Variants in CTDP1 observed in about 807,000 individuals in gnomAD.
CTDP1 encodes CTD phosphatase 1.
Under a neutral mutation model 91.8 loss-of-function variants are expected in CTDP1, and 47 were observed. That is an observed-to-expected ratio of 0.51 (90% CI 0.41 to 0.65). CTDP1 has a LOEUF of 0.65. Among genes scored for constraint, CTDP1 ranks in the 30% least tolerant of loss-of-function variants. The pLI, the probability that CTDP1 is intolerant of heterozygous loss-of-function variation, is 0.00. For missense variants in CTDP1, 1,272 were observed against 1,373.7 expected, an observed-to-expected ratio of 0.93 and a Z score of 1.17; for synonymous variants, 656 against 598.5, an observed-to-expected ratio of 1.10 and a Z score of -1.40.
intron 3 of CTDP1, among the ~76,000 whole-genome samples, 183 bp downstream of exon 3, chr18:79,696,253 G>A (rs745873372): frequency 6.6e-6 from 1 of 152,190 alleles, no homozygotes; most frequent in South Asian, 2.1e-4. Flanking sequence ...GGTTGCCCTT[G>A]GTTCTCCACA....
intron 12 of CTDP1, among the ~76,000 whole-genome samples, chr18:79,753,086 G>C (rs2087031656): frequency 6.7e-6 from 1 of 148,418 alleles, no homozygotes; most frequent in South Asian, 2.2e-4. Context: ...GGCACCGGCT[G>C]GTTATGCAGA....
chr18:79,741,303 T>C (rs1282229903), intron 12 of CTDP1, among the ~76,000 whole-genome samples: 1 of 152,248 alleles, frequency 6.6e-6, no homozygotes, highest in East Asian at 1.9e-4. Flanking sequence ...TATCCTTTTA[T>C]GCTTTTGGTG....
At chr18:79,723,366 T>A (rs2086383731) in intron 10 of CTDP1, among the ~76,000 whole-genome samples, 1 of 152,124 alleles carries the variant, frequency 6.6e-6, no homozygotes, top group South Asian at 2.1e-4. Flanking sequence ...CTCCTGAGAG[T>A]GGTGGTTCCT....
chr18:79,730,341 C>T (rs2086540312), intron 11 of CTDP1, among the ~76,000 whole-genome samples: 1 of 152,216 alleles, frequency 6.6e-6, no homozygotes, highest in Non-Finnish European at 1.5e-5. Flanking sequence ...GGGACGCTGC[C>T]TCTTCCTGCC....
chr18:79,684,025 T>C (rs1313583687), intron 1 of CTDP1, among the ~76,000 whole-genome samples: 1 of 152,232 alleles, frequency 6.6e-6, no homozygotes, highest in Non-Finnish European at 1.5e-5. Flanking sequence ...AACATAGCAT[T>C]AAATCTGCTG....
chr18:79,684,749 T>G (rs2085450050), intron 1 of CTDP1, among the ~76,000 whole-genome samples: 1 of 152,226 alleles, frequency 6.6e-6, no homozygotes, highest in Non-Finnish European at 1.5e-5. Flanking sequence ...TGCATTTGGG[T>G]GAAGTTACAA....
chr18:79,734,199 G>A (rs139070303), intron 11 of CTDP1, among the ~76,000 whole-genome samples: 53 of 152,328 alleles, frequency 3.5e-4, no homozygotes, highest in African/African-American at 1.2e-3. Flanking sequence ...CGTGGAAGGC[G>A]GCTGGGCCGG....
rs971327285 is a variant in CTDP1, at chr18:79,713,909, G to T, written c.1031-582G>T. On this transcript the variant is annotated intron_variant, in intron 7 of 12. Coordinates refer to ENST00000613122, the MANE Select transcript of CTDP1 (RefSeq NM_004715.5). The surrounding 1 kb of genome is among the most constrained non-coding windows in gnomAD (Gnocchi z 4.7). The stretch of plus-strand genomic sequence containing the variant: ...TTACGGCCACGGTGGCGCCAGGTCT[G>T]CAGGGGCTTACGGCCACGGTGGCGC... Among the ~76,000 whole-genome samples, 4 of 147,722 alleles carry T rather than the reference G, an allele frequency of 2.7e-5. No homozygotes were observed. Among genetic ancestry groups the T allele is most frequent in the Non-Finnish European group, 3.0e-5 (2 of 65,792 alleles).
chr18:79,734,840 A>T (rs921214778), intron 11 of CTDP1, among the ~76,000 whole-genome samples: 1 of 152,246 alleles, frequency 6.6e-6, no homozygotes, highest in Non-Finnish European at 1.5e-5. Flanking sequence ...AACCTTGTCG[A>T]GTAACCAGAT....
chr18:79,694,152 G>T (rs1322039161), intron 1 of CTDP1, among the ~76,000 whole-genome samples: 5 of 151,264 alleles, frequency 3.3e-5, no homozygotes, highest in African/African-American at 1.2e-4. Flanking sequence ...GCTGGGACGG[G>T]AGTGTGGGGG....
intron 1 of CTDP1, among the ~76,000 whole-genome samples, chr18:79,681,918 T>G (rs1189643284): frequency 1.3e-5 from 2 of 152,124 alleles, no homozygotes; most frequent in Non-Finnish European, 2.9e-5. Context: ...TACATGGGTT[T>G]TATGAGCGTT....
rs1401343678 is a variant in CTDP1 at position 79,707,103 on chromosome 18, T to C, written c.772+2186T>C. Among the ~76,000 whole-genome samples the C allele has an allele frequency of 2.0e-5, 3 of 152,252 alleles. No homozygotes were observed. In the East Asian group the frequency reaches 5.8e-4, roughly 29 times the overall value. On this transcript the variant is annotated intron_variant, in intron 5 of 12. Transcript: ENST00000613122. The stretch of plus-strand genomic sequence containing the variant: ...GCTGGTCAGAGCACACAAGCCCCAG[T>C]GAGGAGGAGCATGTGGAAGGCTCGG...
chr18:79,737,032 T>C (rs2086684195), intron 12 of CTDP1, among the ~76,000 whole-genome samples: 1 of 152,206 alleles, frequency 6.6e-6, no homozygotes, highest in Non-Finnish European at 1.5e-5. Context: ...TGGTGCCTGA[T>C]GTGGGTCCCC....
At chr18:79,733,741 G>C (rs2086612841) in intron 11 of CTDP1, among the ~76,000 whole-genome samples, 1 of 152,120 alleles carries the variant, frequency 6.6e-6, no homozygotes, top group Middle Eastern at 3.2e-3. Context: ...CCTCTCTCTT[G>C]AAGCCGTCCC....
intron 4 of CTDP1, chr18:79,702,874 C>T (rs2085889279): frequency 1.3e-5 from 2 of 152,292 alleles, no homozygotes; most frequent in Admixed American, 6.5e-5. Context: ...GTGGCTGTTT[C>T]TCAGTTGTGT....
intron 12 of CTDP1, among the ~76,000 whole-genome samples, chr18:79,737,587 G>C (rs538195769): frequency 1.3e-5 from 2 of 152,150 alleles, no homozygotes; most frequent in Admixed American, 1.3e-4. Context: ...CAGGTTGGTC[G>C]ATGAACAGGC....
At chr18:79,749,832 G>C in intron 12 of CTDP1, 1 of 152,274 alleles carries the variant, frequency 6.6e-6, no homozygotes, top group Non-Finnish European at 1.5e-5. Flanking sequence ...GAGGATGGGA[G>C]CCGGGTTTTC....
chr18:79,725,775 G>A (rs1318001515), intron 10 of CTDP1, among the ~76,000 whole-genome samples: 1 of 151,848 alleles, frequency 6.6e-6, no homozygotes, highest in Admixed American at 6.6e-5. Flanking sequence ...TCCCTCCCTT[G>A]CTGGGGGACG....
chr18:79,679,764 G>T, upstream of CTDP1: 1 of 559,994 alleles, frequency 1.8e-6, no homozygotes, highest in Non-Finnish European at 3.1e-6. Context: ...ACGTACGCAC[G>T]TACGCGGCGC....
Sources: gnomAD v4.1 joint callset for allele counts (sites outside exome capture counted in the v4.1 genomes callset) on GRCh38, gnomAD v4.1.1 for gene constraint, Gnocchi (gnomAD v3.1) non-coding constraint, MANE v1.5 for transcripts, NCBI Gene and HGNC (gene_info 2026-07-23, HGNC 2026-07-21) for gene names.